Variants in AHCYL2 observed in about 807,000 individuals in gnomAD.
The protein encoded by AHCYL2 is adenosylhomocysteinase like 2, also known as S-adenosylhomocysteine hydrolase-like protein 2.
Under a neutral mutation model 81.4 loss-of-function variants are expected in AHCYL2, and 28 were observed. The observed-to-expected ratio is 0.34, with a 90% confidence interval of 0.25 to 0.47. The LOEUF is 0.47. AHCYL2 is among the 20% of genes least tolerant of loss of function. The probability of loss-of-function intolerance (pLI) is 1.00; values close to 1 mark genes in which losing one functional copy is unlikely to be tolerated. For missense variants in AHCYL2, 551 were observed against 785.1 expected (o/e 0.70, Z 3.56); for synonymous variants, 272 against 290.2 (o/e 0.94, Z 0.64).
At chr7:129,269,122 A>T (rs2694574) in intron 1 of AHCYL2, among the ~76,000 whole-genome samples, 1 of 145,984 alleles carries the variant, frequency 6.9e-6, no homozygotes, top group Admixed American at 7.0e-5. Context: ...TTTTTCCTAA[A>T]TGATTCCTGT....
At chr7:129,318,789 T>A (rs189454417) in intron 1 of AHCYL2, among the ~76,000 whole-genome samples, 157 of 138,592 alleles carry the variant, frequency 1.1e-3, no homozygotes, top group East Asian at 8.2e-3. Flanking sequence ...TAGACTGTAT[T>A]TTTTTTTTTT....
intron 2 of AHCYL2, among the ~76,000 whole-genome samples, chr7:129,387,905 C>T (rs926405455): frequency 1.3e-5 from 2 of 152,092 alleles, no homozygotes; most frequent in African/African-American, 2.4e-5. Flanking sequence ...ATTCTGAAGC[C>T]CCTGCTGCCC....
chr7:129,246,732 A>G (rs1171392474), intron 1 of AHCYL2, among the ~76,000 whole-genome samples: 1 of 151,754 alleles, frequency 6.6e-6, no homozygotes, highest in Non-Finnish European at 1.5e-5. Context: ...CCTGGGCTCA[A>G]GTGATCCACC....
At position 129,403,591 on chromosome 7, in the gene AHCYL2, C is replaced by T. The variant is rs563449531; in HGVS notation, c.1025+106C>T. 75 of 624,464 alleles carry T rather than the reference C, an allele frequency of 1.2e-4. No homozygotes were observed. In the East Asian group the frequency reaches 1.9e-3, roughly 16 times the overall value. 38.7% of individuals were successfully genotyped at this position (624,464 alleles called of 1,614,324 possible). ...TAAAAATTGGAGCCTGGGCCAGGCG[C>T]GGTGGCTCACGCCTGTAATCCCAGC... On this transcript the variant is annotated intron_variant, in intron 7 of 16. Transcript: ENST00000325006.
At chr7:129,412,578 G>T (rs1796638598) in intron 11 of AHCYL2, among the ~76,000 whole-genome samples, 1 of 151,840 alleles carries the variant, frequency 6.6e-6, no homozygotes, top group Non-Finnish European at 1.5e-5. Flanking sequence ...ACTGCGCCTG[G>T]CTGGAATTGC....
intron 4 of AHCYL2, among the ~76,000 whole-genome samples, chr7:129,396,880 G>A (rs1282458458): frequency 6.6e-6 from 1 of 152,200 alleles, no homozygotes; most frequent in Non-Finnish European, 1.5e-5. Flanking sequence ...CGTTAAGGTG[G>A]GAGCTTCTCT....
intron 1 of AHCYL2, among the ~76,000 whole-genome samples, chr7:129,376,166 G>A (rs1794678651): frequency 1.3e-5 from 2 of 152,282 alleles, no homozygotes; most frequent in Non-Finnish European, 1.5e-5. Context: ...TCCAGACAAG[G>A]TAGGAAAGTT....
chr7:129,319,347 TAGGAGGCTCAGGCAATCCCTTGAACCC>T (rs1429371909), intron 1 of AHCYL2, among the ~76,000 whole-genome samples: 1 of 151,308 alleles, frequency 6.6e-6, no homozygotes, highest in African/African-American at 2.4e-5. Context: ...CCCAACTACG[TAGGAGGCTCAGGCAATCCCTTGAACCC>T]AGAAGGCAGA....
At chr7:129,257,601 T>C (rs986149838) in intron 1 of AHCYL2, among the ~76,000 whole-genome samples, 2 of 152,218 alleles carry the variant, frequency 1.3e-5, no homozygotes, top group Non-Finnish European at 2.9e-5. Flanking sequence ...TTATGCATTA[T>C]GTATACCTTG....
At chr7:129,246,683 G>A (rs750696525) in intron 1 of AHCYL2, among the ~76,000 whole-genome samples, 3 of 151,986 alleles carry the variant, frequency 2.0e-5, no homozygotes, top group Non-Finnish European at 4.4e-5. Context: ...TTTTTGTAGA[G>A]ATGGGATATC....
chr7:129,414,768 C>G (rs1441760148), intron 12 of AHCYL2, among the ~76,000 whole-genome samples: 1 of 152,076 alleles, frequency 6.6e-6, no homozygotes, highest in Non-Finnish European at 1.5e-5. Flanking sequence ...CTCAGTGTGA[C>G]TTTTACTCTG....
At chr7:129,311,011 G>A (rs1161683372) in intron 1 of AHCYL2, among the ~76,000 whole-genome samples, 1 of 151,876 alleles carries the variant, frequency 6.6e-6, no homozygotes, top group Non-Finnish European at 1.5e-5. Flanking sequence ...AGGAGGCTGA[G>A]GCTAGAGAAT....
At chr7:129,354,124 C>A (rs765832290) in intron 1 of AHCYL2, among the ~76,000 whole-genome samples, 6 of 152,000 alleles carry the variant, frequency 3.9e-5, no homozygotes, top group Non-Finnish European at 5.9e-5. Context: ...TGTGGATATA[C>A]TGTAATAAGT....
intron 1 of AHCYL2, among the ~76,000 whole-genome samples, chr7:129,263,540 G>A (rs1247479159): frequency 6.6e-6 from 1 of 152,216 alleles, no homozygotes; most frequent in African/African-American, 2.4e-5. Context: ...TGTGTTCCCA[G>A]TGACTTGAAG....
At chr7:129,343,218 T>G (rs1020653403) in intron 1 of AHCYL2, among the ~76,000 whole-genome samples, 1 of 152,176 alleles carries the variant, frequency 6.6e-6, no homozygotes, top group Admixed American at 6.5e-5. Context: ...CTGTGAGTAG[T>G]GTTTATTAAA....
chr7:129,346,542 CAT>C (rs1258454358), intron 1 of AHCYL2, among the ~76,000 whole-genome samples: 4 of 152,134 alleles, frequency 2.6e-5, no homozygotes, highest in African/African-American at 7.2e-5. Context: ...TGCTCAACAT[CAT>C]ATGTCATTAG....
intron 2 of AHCYL2, among the ~76,000 whole-genome samples, chr7:129,380,285 T>G (rs1794896420): frequency 6.6e-6 from 1 of 152,190 alleles, no homozygotes; most frequent in South Asian, 2.1e-4. Context: ...CAGATACATG[T>G]GCCCTGGGAC....
chr7:129,244,124 C>A (rs945736532), intron 1 of AHCYL2, among the ~76,000 whole-genome samples: 23 of 151,392 alleles, frequency 1.5e-4, no homozygotes, highest in Admixed American at 5.9e-4. Flanking sequence ...TCAGCCTTCC[C>A]TGTAGCTGGG....
Position 129,426,631 on chromosome 7 carries a change from T to C in AHCYL2, c.1829+68T>C. On this transcript the variant is annotated intron_variant, in intron 16 of 16. Coordinates refer to ENST00000325006, the MANE Select transcript of AHCYL2 (RefSeq NM_015328.4). This position sits in a 1 kb window ranked among gnomAD's most constrained non-coding sequence, Gnocchi z 4.3. ...TGAGCTTCCTGCACTGGAATTGGTC[T>C]TTGCATCCCCAACCACATATGCTTA... The C allele has an allele frequency of 6.4e-7, 1 of 1,564,360 alleles. No homozygotes were observed. Among genetic ancestry groups the C allele is most frequent in the Non-Finnish European group, 8.6e-7 (1 of 1,159,214 alleles).
Sources: allele counts gnomAD v4.1 joint callset (sites outside exome capture counted in the v4.1 genomes callset), GRCh38; gene constraint gnomAD v4.1.1; non-coding constraint Gnocchi (gnomAD v3.1); transcripts MANE v1.5; gene names NCBI Gene and HGNC (gene_info 2026-07-23, HGNC 2026-07-21).